ESPL1: variants seen among roughly 807,000 people sequenced by gnomAD.
ESPL1 encodes extra spindle pole bodies like 1, separase.
In ESPL1, 50 loss-of-function variants were observed where a neutral mutation model predicts 217.2. The ratio of observed to expected loss-of-function variants is 0.23; its 90% confidence interval spans 0.18 to 0.29. The LOEUF (loss-of-function observed/expected upper bound fraction) is 0.29. ESPL1 is among the 10% of genes least tolerant of loss of function. The pLI, the probability that ESPL1 is intolerant of heterozygous loss-of-function variation, is 1.00. For missense variants in ESPL1, 1,834 were observed against 2,603.0 expected (o/e 0.70, Z 6.43); for synonymous variants, 994 against 1,081.3 (o/e 0.92, Z 1.58).
chr12:53,275,168 G>A (rs187071253), intron 7 of ESPL1, among the ~76,000 whole-genome samples, 158 bp downstream of exon 7: 3 of 152,044 alleles, frequency 2.0e-5, no homozygotes, highest in African/African-American at 2.4e-5. Context: ...GGCATTGGCC[G>A]TGCACAGTGG....
chr12:53,281,736 C>T (rs977263359), intron 13 of ESPL1, 110 bp downstream of exon 13: 6 of 1,051,860 alleles, frequency 5.7e-6, no homozygotes, highest in East Asian at 2.5e-5. Flanking sequence ...GCAGTATGTT[C>T]CTGACCCTGA....
At position 53,269,026 on chromosome 12, in the gene ESPL1, G is replaced by A; in HGVS notation, c.84G>A (p.Glu28=). The A allele has an allele frequency of 6.2e-7, 1 of 1,609,760 alleles. No individual in the cohort carries two copies. Among genetic ancestry groups the A allele is most frequent in the Non-Finnish European group, 8.5e-7 (1 of 1,177,346 alleles). ...TTCATATCTTTCTCTACTCCTAGGA[G>A]TTCCTGTCCAACCCTCCAGCTGGTT... ...EAEELLPALK[E]FLSNPPAGFP... Residue 28 remains glutamate (E), a splice_region_variant and synonymous_variant, in exon 3 of 31, where the codon GAG becomes GAA. Transcript: ENST00000257934. The surrounding 1 kb of genome is among the most constrained non-coding windows in gnomAD (Gnocchi z 6.7).
chr12:53,290,676 G>A (rs1004772419), intron 24 of ESPL1, among the ~76,000 whole-genome samples, 165 bp from the exon 25 acceptor site: 7 of 1,200 alleles, frequency 5.8e-3, no homozygotes, highest in Non-Finnish European at 0.042. Context: ...TTAAAGATAC[G>A]CAGAAAAAAA....
At chr12:53,272,955 G>A in intron 6 of ESPL1, 98 bp downstream of exon 6, 2 of 1,256,854 alleles carry the variant, frequency 1.6e-6, no homozygotes. Context: ...GGAGTGGGAG[G>A]TTAATAGCAG....
In ESPL1 at chr12:53,285,963, A is replaced by G; in HGVS notation, c.3227A>G (p.Lys1076Arg). 6.4e-7 allele frequency: 1 copy of G among 1,560,284 alleles called. No homozygotes were observed. Among genetic ancestry groups the G allele is most frequent in the South Asian group, 1.2e-5 (1 of 85,282 alleles). The change falls in exon 18 of 31, where the codon AAG becomes AGG. Residue 1076 changes from lysine (K) to arginine (R), a missense_variant. Transcript: ENST00000257934. Reference sequence around the variant, plus strand: ...ACTCAGCACCTGGACTCTGTGAAGAAGGTCCACCTGCAGAAGGGGAAGCAG... The same window carrying G: ...ACTCAGCACCTGGACTCTGTGAAGAGGGTCCACCTGCAGAAGGGGAAGCAG... ...GVTQHLDSVK[K>R]VHLQKGKQQA...
Position 53,269,826 on chromosome 12 carries a change from A to T in ESPL1, c.884A>T (p.Gln295Leu). Residue 295 changes from glutamine (Q) to leucine (L), a missense_variant, in exon 3 of 31, where the codon CAG becomes CTG. Physicochemically the swap from Gln to Leu is moderately radical, Grantham distance 113 (BLOSUM62 -2). Transcript: ENST00000257934. The surrounding 1 kb of genome is among the most constrained non-coding windows in gnomAD (Gnocchi z 6.7). ...TNLAPSLQLC[Q>L]LGVKLLQVGE... is the part of the protein sequence containing the mutation. ...CTAGCCCCTAGCCTTCAGCTATGTCAGCTGGGGGTTAAGCTGCTGCAGGTT... is the reference window on the plus strand; with the variant it reads ...CTAGCCCCTAGCCTTCAGCTATGTCTGCTGGGGGTTAAGCTGCTGCAGGTT... The T allele has an allele frequency of 6.2e-7, 1 of 1,614,204 alleles. No homozygotes were observed. The highest frequency in any genetic ancestry group is 8.5e-7 in the Non-Finnish European group (1 of 1,180,026).
rs1943790875 is a variant in ESPL1, at chr12:53,277,485, C to T, written c.2101C>T (p.Arg701Trp). Reference protein sequence around the residue: ...AKMQEGIERDRRAQAPGNLEE... With the variant: ...AKMQEGIERDWRAQAPGNLEE... ...TCCCATCCAGGGTATCGAGCGGGAT[C>T]GGAGAGCCCAGGCCCCTGGTAACTT... is the stretch of plus-strand genomic sequence containing the variant. Residue 701 changes from arginine (R) to tryptophan (W), a missense_variant, in exon 10 of 31, where the codon CGG (arginine) becomes TGG (tryptophan). Arg to Trp is a moderately radical substitution (Grantham distance 101, BLOSUM62 -3). Coordinates refer to ENST00000257934, the MANE Select transcript of ESPL1 (RefSeq NM_012291.5). 4 of 1,614,040 alleles carry T rather than the reference C, an allele frequency of 2.5e-6. No homozygotes were observed. The highest frequency in any genetic ancestry group is 1.7e-5 in the Admixed American group (1 of 60,000).
In ESPL1 at chr12:53,288,615, A is replaced by C. The variant is rs1209736875; in HGVS notation, c.4624A>C (p.Lys1542Gln). The stretch of plus-strand genomic sequence containing the variant: ...GCTGAGGCTGGATTCCAGCAAGAAG[A>C]AGCTGCCCAGCCCATGCCCAGACAA... ...ELLRLDSSKKKLPSPCPDKES... is the reference protein window; with the variant it reads ...ELLRLDSSKKQLPSPCPDKES... Residue 1542 changes from lysine to glutamine, a missense_variant, in exon 20 of 31, where the codon AAG becomes CAG. Physicochemically the swap from Lys to Gln is moderately conservative, Grantham distance 53. This residue lies in a region of ESPL1 where 681 missense variants were observed against 808.0 expected (regional missense o/e 0.84). Coordinates refer to ENST00000257934, the MANE Select transcript of ESPL1 (RefSeq NM_012291.5). 4 of 1,613,778 alleles carry C rather than the reference A, an allele frequency of 2.5e-6. No individual in the cohort carries two copies. Among genetic ancestry groups the C allele is most frequent in the African/African-American group, 1.3e-5 (1 of 74,906 alleles).
At chr12:53,281,664 A>G in intron 13 of ESPL1, 38 bp downstream of exon 13, 1 of 1,587,462 alleles carries the variant, frequency 6.3e-7, no homozygotes, top group African/African-American at 1.4e-5. Flanking sequence ...GGCCCTGGGT[A>G]TTAGAAAGAA....
Position 53,282,137 on chromosome 12 carries a change from C to T in ESPL1, c.2620-127C>T. ...AGATCTCGAAAGCCAGGCAAATATT[C>T]AGAAAATTCTAAAATCTTTCTAATA... On this transcript the variant is annotated intron_variant, in intron 13 of 30. Coordinates refer to ENST00000257934, the MANE Select transcript of ESPL1 (RefSeq NM_012291.5). The surrounding 1 kb of genome is among the most constrained non-coding windows in gnomAD (Gnocchi z 4.0). 1.3e-6 allele frequency: 1 copy of T among 761,944 alleles called. No homozygotes were observed. The highest frequency in any genetic ancestry group is 2.2e-6 in the Non-Finnish European group (1 of 450,028). 47.2% of individuals were successfully genotyped at this position (761,944 alleles called of 1,614,324 possible). A position where few individuals can be genotyped will look rare whatever the true frequency, so the allele number is the denominator to read the frequency against.
intron 6 of ESPL1, among the ~76,000 whole-genome samples, chr12:53,273,854 T>G (rs1441479903): frequency 6.2e-5 from 7 of 112,840 alleles, no homozygotes; most frequent in East Asian, 3.0e-4. Context: ...TTTTTTTTTT[T>G]TTTTTTTTTT....
intron 7 of ESPL1, 144 bp downstream of exon 7, chr12:53,275,154 G>T: frequency 3.2e-6 from 2 of 621,792 alleles, no homozygotes; most frequent in Non-Finnish European, 5.3e-6. Flanking sequence ...ACAAAAATTA[G>T]CTGGGCATTG....
At chr12:53,270,604 G>A (rs1943652754) in intron 4 of ESPL1, 74 bp from the exon 5 acceptor site, 25 of 1,603,528 alleles carry the variant, frequency 1.6e-5, no homozygotes, top group Middle Eastern at 1.7e-4. Context: ...GCTTGGCTTT[G>A]GGTGTGGAGT....
Position 53,268,736 on chromosome 12 carries a change from T to C in ESPL1, c.-12-19T>C. 1.4e-6 allele frequency: 2 copies of C among 1,479,064 alleles called. No individual in the cohort carries two copies. Among genetic ancestry groups the C allele is most frequent in the South Asian group, 1.2e-5 (1 of 86,114 alleles). 91.6% of individuals were successfully genotyped at this position (1,479,064 alleles called of 1,614,324 possible). ...TAGCTTCATTAACAATCTTCTCTAA[T>C]TGGTCTCCTTTTCCCTAGCTCTCCG... On this transcript the variant is annotated intron_variant, in intron 1 of 30. Transcript: ENST00000257934.
chr12:53,268,649 A>G, intron 1 of ESPL1, 106 bp from the exon 2 acceptor site: 1 of 661,688 alleles, frequency 1.5e-6, no homozygotes, highest in Non-Finnish European at 2.6e-6. Context: ...CTCCCCGATG[A>G]AATTTCTGAT....
Position 53,270,726 on chromosome 12 carries a change from A to G in ESPL1, c.1297A>G (p.Thr433Ala), listed in dbSNP as rs1181880937. The change falls in exon 5 of 31, where the codon ACC becomes GCC. Residue 433 changes from threonine (T) to alanine (A), a missense_variant. Physicochemically the swap from Thr to Ala is moderately conservative, Grantham distance 58. Transcript: ENST00000257934. ...CCAACTAGTGGACAGTTGTAAATCT[A>G]CCGTTGTCTGGATGCTGGAGGCCTT... is the stretch of plus-strand genomic sequence containing the variant. ...LTQLVDSCKS[T>A]VVWMLEALEG... 6 of 1,613,952 alleles carry G rather than the reference A, an allele frequency of 3.7e-6. No individual in the cohort carries two copies. Among genetic ancestry groups the G allele is most frequent in the Non-Finnish European group, 5.1e-6 (6 of 1,179,998 alleles).
intron 7 of ESPL1, 150 bp from the exon 8 acceptor site, chr12:53,276,468 CAG>C (rs1943766929): frequency 1.5e-5 from 13 of 855,872 alleles, no homozygotes; most frequent in Non-Finnish European, 2.3e-5. Flanking sequence ...GTTTGTTAAA[CAG>C]AGGAGCAATG....
At position 53,269,289 on chromosome 12, in the gene ESPL1, C is replaced by T. The variant is rs2364600; in HGVS notation, c.347C>T (p.Ala116Val). ...RNAAAQGSPE[A>V]TLRLAQPLHA... ...GCTGCTGCACAAGGAAGCCCAGAGGCCACACTCCGCCTTGCTCAGCCCCTC... is the reference window on the plus strand; with the variant it reads ...GCTGCTGCACAAGGAAGCCCAGAGGTCACACTCCGCCTTGCTCAGCCCCTC... Residue 116 changes from alanine (A) to valine (V), a missense_variant, in exon 3 of 31, where the codon GCC becomes GTC. By Grantham distance (64) the Ala-to-Val change is moderately conservative. This residue lies in a region of ESPL1 where 746 missense variants were observed against 1,077.0 expected (regional missense o/e 0.69). Coordinates refer to ENST00000257934, the MANE Select transcript of ESPL1 (RefSeq NM_012291.5). The surrounding 1 kb of genome is among the most constrained non-coding windows in gnomAD (Gnocchi z 6.7). 10,866 of 1,614,154 alleles carry T rather than the reference C, an allele frequency of 6.7e-3. 620 individuals are homozygous for T. The African/African-American group carries it at 0.13, about 19-fold the overall frequency.
intron 17 of ESPL1, among the ~76,000 whole-genome samples, chr12:53,285,388 A>ATGTGGCCCCTGAGCTGCAGG (rs1178691113): frequency 6.6e-6 from 1 of 152,190 alleles, no homozygotes; most frequent in Non-Finnish European, 1.5e-5. Flanking sequence ...TTTCTCAGCC[A>ATGTGGCCCCTGAGCTGCAGG]TGTGGCCCCT....
Sources: allele counts gnomAD v4.1 joint callset (sites outside exome capture counted in the v4.1 genomes callset), GRCh38; gene constraint gnomAD v4.1.1; regional missense constraint gnomAD v4.1.1; non-coding constraint Gnocchi (gnomAD v3.1); transcripts MANE v1.5; gene names NCBI Gene and HGNC (gene_info 2026-07-23, HGNC 2026-07-21).